CDH13: variants seen among roughly 807,000 people sequenced by gnomAD.
CDH13 encodes cadherin-13.
In CDH13, 24 loss-of-function variants were observed where a neutral mutation model predicts 63.8. The observed-to-expected ratio is 0.38, with a 90% CI of 0.27 to 0.53. The LOEUF is 0.53. CDH13 is among the 20% of genes least tolerant of loss of function. The pLI is 0.85. For synonymous variants in CDH13, 503 were observed against 355.3 expected (o/e 1.42, Z -4.67); for missense variants, 1,049 against 903.1 (o/e 1.16, Z -2.07).
At chr16:83,414,239 C>A (rs9921915) in intron 6 of CDH13, among the ~76,000 whole-genome samples, 1 of 151,904 alleles carries the variant, frequency 6.6e-6, no homozygotes, top group African/African-American at 2.4e-5. Context: ...ATCTTTTTGT[C>A]GTAGCAGTTG....
chr16:83,104,706 G>C (rs534710752), intron 3 of CDH13, among the ~76,000 whole-genome samples: 7 of 152,106 alleles, frequency 4.6e-5, no homozygotes, highest in African/African-American at 9.7e-5. Context: ...AATTTCAGTC[G>C]TAGGAGATAT....
At chr16:82,629,126 C>A (rs981476330) in intron 1 of CDH13, among the ~76,000 whole-genome samples, 6 of 152,204 alleles carry the variant, frequency 3.9e-5, no homozygotes, top group African/African-American at 1.4e-4. Flanking sequence ...AGACAGACCA[C>A]GTGACAGGGC....
At chr16:82,769,392 T>C (rs771128135) in intron 1 of CDH13, among the ~76,000 whole-genome samples, 1 of 152,180 alleles carries the variant, frequency 6.6e-6, no homozygotes, top group Non-Finnish European at 1.5e-5. Flanking sequence ...ATGGCAGGTT[T>C]TATATACTGT....
chr16:83,704,688 C>A (rs4641733), intron 10 of CDH13, among the ~76,000 whole-genome samples: 39,062 of 152,128 alleles, frequency 0.26, 5,653 homozygotes, highest in Middle Eastern at 0.45. Context: ...AATTTAAGCT[C>A]TGATAGAAAA....
chr16:82,675,658 A>T (rs1223323118), intron 1 of CDH13, among the ~76,000 whole-genome samples: 1 of 152,100 alleles, frequency 6.6e-6, no homozygotes, highest in Non-Finnish European at 1.5e-5. Context: ...AACCTGCTGG[A>T]CTCACGTTCC....
At chr16:83,059,303 T>A (rs1424104867) in intron 3 of CDH13, among the ~76,000 whole-genome samples, 1 of 152,142 alleles carries the variant, frequency 6.6e-6, no homozygotes, top group African/African-American at 2.4e-5. Flanking sequence ...GATTGAGAGT[T>A]GCCTGGGAGC....
At chr16:82,639,440 A>T in intron 1 of CDH13, 1 of 1,535,240 alleles carries the variant, frequency 6.5e-7, no homozygotes, top group Non-Finnish European at 8.7e-7. Context: ...CCTGGGCGTG[A>T]CCCACCTGCA....
chr16:83,256,024 G>A (rs1013796339), intron 5 of CDH13, among the ~76,000 whole-genome samples: 8 of 152,116 alleles, frequency 5.3e-5, no homozygotes, highest in Admixed American at 5.2e-4. Context: ...ATATAAATTA[G>A]CTCAATAAAA....
chr16:83,274,183 C>G (rs1453733940), intron 5 of CDH13, among the ~76,000 whole-genome samples: 1 of 152,188 alleles, frequency 6.6e-6, no homozygotes, highest in East Asian at 1.9e-4. Flanking sequence ...GCTTAAAAGC[C>G]TCAGTGACAA....
chr16:83,164,745 T>C (rs1235931623), intron 4 of CDH13, among the ~76,000 whole-genome samples: 2 of 146,564 alleles, frequency 1.4e-5, no homozygotes, highest in Non-Finnish European at 3.0e-5. Flanking sequence ...AAAATCATCG[T>C]TTTACTGATG....
At chr16:82,668,007 A>G (rs1912805293) in intron 1 of CDH13, among the ~76,000 whole-genome samples, 1 of 152,206 alleles carries the variant, frequency 6.6e-6, no homozygotes, top group Non-Finnish European at 1.5e-5. Flanking sequence ...CTATCGCGAC[A>G]CCATTACCAG....
intron 4 of CDH13, among the ~76,000 whole-genome samples, chr16:83,153,081 A>G (rs28672178): frequency 0.015 from 2,288 of 152,270 alleles, 67 homozygotes; most frequent in African/African-American, 0.052. Flanking sequence ...AATAGAGAAA[A>G]AGTAATTCAT....
At chr16:82,854,486 T>G (rs1346120669) in intron 1 of CDH13, among the ~76,000 whole-genome samples, 1 of 152,142 alleles carries the variant, frequency 6.6e-6, no homozygotes, top group Non-Finnish European at 1.5e-5. Context: ...AGTAAGATAT[T>G]TAGCTTTTGG....
At chr16:83,561,209 G>T (rs1410847334) in intron 7 of CDH13, among the ~76,000 whole-genome samples, 1 of 151,970 alleles carries the variant, frequency 6.6e-6, no homozygotes, top group Non-Finnish European at 1.5e-5. Flanking sequence ...CACTTTGGGA[G>T]GCTGAGGTGG....
rs1473640892 is a variant in CDH13, at chr16:82,954,141, A to G, written c.158-77869A>G. 3 of 152,248 alleles carry G rather than the reference A, an allele frequency of 2.0e-5. No individual in the cohort carries two copies. In the South Asian group the frequency reaches 6.2e-4, roughly 32 times the overall value. The allele number at this position is 152,248 out of a possible 1,614,324, so 9.4% of individuals were successfully genotyped here. A position where few individuals can be genotyped will look rare whatever the true frequency, so the allele number is the denominator to read the frequency against. Reference sequence around the variant, plus strand: ...TGAATGGTAGATTGTCTCTGTGGGCACCTGGGATGCCACCCCCCTTGGCAC... The same window carrying G: ...TGAATGGTAGATTGTCTCTGTGGGCGCCTGGGATGCCACCCCCCTTGGCAC... On this transcript the variant is annotated intron_variant, in intron 2 of 13. Transcript: ENST00000567109.
chr16:82,719,313 T>C (rs1352176207), intron 1 of CDH13: 2 of 454,308 alleles, frequency 4.4e-6, no homozygotes, highest in Admixed American at 2.4e-5. Flanking sequence ...GATGCACTGT[T>C]ACTAAAGACT....
At chr16:83,284,477 G>A (rs1463021596) in intron 5 of CDH13, among the ~76,000 whole-genome samples, 1 of 152,066 alleles carries the variant, frequency 6.6e-6, no homozygotes, top group Non-Finnish European at 1.5e-5. Context: ...AAAAAATGAT[G>A]GACTCCAGGA....
intron 2 of CDH13, among the ~76,000 whole-genome samples, chr16:82,959,417 C>A (rs11864431): frequency 6.6e-6 from 1 of 152,176 alleles, no homozygotes; most frequent in Admixed American, 6.5e-5. Context: ...TGGCTTAAAG[C>A]AACCCATGGA....
rs1045554556 is a variant in CDH13, at chr16:82,818,784, T to C, written c.46-39578T>C. ...TAGGGCAAGTCTCTGTAAAGGCCTT[T>C]CTCTCTGGTGTTGCATTTGCGTATT... On this transcript the variant is annotated intron_variant, in intron 1 of 13. Coordinates refer to ENST00000567109, the MANE Select transcript of CDH13 (RefSeq NM_001257.5). Among the ~76,000 whole-genome samples the C allele has an allele frequency of 2.6e-5, 4 of 152,254 alleles. No individual in the cohort carries two copies. The South Asian group carries it at 6.2e-4, about 24-fold the overall frequency.
Sources: gnomAD v4.1 joint callset for allele counts (sites outside exome capture counted in the v4.1 genomes callset) on GRCh38, gnomAD v4.1.1 for gene constraint, MANE v1.5 for transcripts, NCBI Gene and HGNC (gene_info 2026-07-23, HGNC 2026-07-21) for gene names.